SMCHD1: variants seen among roughly 807,000 people sequenced by gnomAD.
The protein encoded by SMCHD1 is structural maintenance of chromosomes flexible hinge domain-containing protein 1.
In SMCHD1, 78 loss-of-function variants were observed where a neutral mutation model predicts 254.7. That is an observed-to-expected ratio of 0.31 (90% CI 0.26 to 0.37). The LOEUF is 0.37. SMCHD1 is among the 10% of genes least tolerant of loss of function. The pLI is 1.00. For synonymous variants in SMCHD1, 766 were observed against 794.9 expected (o/e 0.96, Z 0.61); for missense variants, 1,840 against 2,408.1 (o/e 0.76, Z 4.94).
At chr18:2,701,047 G>A in intron 12 of SMCHD1, 129 bp downstream of exon 12, 1 of 659,728 alleles carries the variant, frequency 1.5e-6, no homozygotes, top group African/African-American at 1.8e-5. Context: ...ATTTTTTTAT[G>A]AGCAGTCAAG....
chr18:2,789,514 A>T (rs1241513677), intron 45 of SMCHD1, among the ~76,000 whole-genome samples: 2 of 4,146 alleles, frequency 4.8e-4, no homozygotes, highest in Non-Finnish European at 6.8e-3. Context: ...GAGAGAGTAG[A>T]CCTGTTTTTT....
intron 37 of SMCHD1, among the ~76,000 whole-genome samples, chr18:2,766,219 T>G (rs2075866108): frequency 6.6e-6 from 1 of 152,298 alleles, no homozygotes; most frequent in South Asian, 2.1e-4. Context: ...GGTCTCGATC[T>G]CCTGACCTTG....
At chr18:2,763,007 C>A (rs1157186659) in intron 36 of SMCHD1, among the ~76,000 whole-genome samples, 1 of 152,180 alleles carries the variant, frequency 6.6e-6, no homozygotes. Flanking sequence ...AGCAACACAG[C>A]TGTCAAAAAT....
chr18:2,728,742 GT>G lies in SMCHD1; in HGVS notation c.2913+158del, dbSNP rs67636305. 0.61 allele frequency: 323,742 copies of G among 531,068 alleles called. 74,955 individuals carry two copies. Among genetic ancestry groups the G allele is most frequent in the African/African-American group, 0.76 (37,266 of 49,304 alleles). The allele number at this position is 531,068 out of a possible 1,614,324, so 32.9% of individuals were successfully genotyped here. A position where few individuals can be genotyped will look rare whatever the true frequency, so the allele number is the denominator to read the frequency against. ...GATTTGTGGGATCTTATTGCCAATAGTTTTTTTTTTTTAATCGTACCTAAAC... is the reference window on the plus strand; with the variant it reads ...GATTTGTGGGATCTTATTGCCAATAGTTTTTTTTTTTAATCGTACCTAAAC... On this transcript the variant is annotated intron_variant, in intron 23 of 47. Coordinates refer to ENST00000320876, the MANE Select transcript of SMCHD1 (RefSeq NM_015295.3).
At chr18:2,758,359 A>G (rs1303798130) in intron 34 of SMCHD1, among the ~76,000 whole-genome samples, 1 of 152,080 alleles carries the variant, frequency 6.6e-6, no homozygotes, top group African/African-American at 2.4e-5. Flanking sequence ...ATCTAGTAAC[A>G]ATTTGTATTT....
Position 2,767,584 on chromosome 18 carries a change from C to CTTTTTTTTTT in SMCHD1, c.4720-2096_4720-2087dup, listed in dbSNP as rs397858216. Among the ~76,000 whole-genome samples, 13 of 89,250 alleles carry CTTTTTTTTTT rather than the reference C, an allele frequency of 1.5e-4. 1 individual carries two copies. The highest frequency in any genetic ancestry group is 2.6e-4 in the Non-Finnish European group (13 of 49,752). 58.6% of individuals were successfully genotyped at this position (89,250 alleles called of 152,430 possible). A position where few individuals can be genotyped will look rare whatever the true frequency, so the allele number is the denominator to read the frequency against. ...TGGGCTATATATCACAACCTATTTCCTTTTTTTTTTTTTTTTTTTTTTTGA... is the reference window on the plus strand; with the variant it reads ...TGGGCTATATATCACAACCTATTTCCTTTTTTTTTTTTTTTTTTTTTTTTTTTTTTTTTGA... On this transcript the variant is annotated intron_variant, in intron 37 of 47. Transcript: ENST00000320876.
intron 41 of SMCHD1, 125 bp downstream of exon 41, chr18:2,772,497 C>T (rs200841958): frequency 2.7e-6 from 2 of 751,296 alleles, no homozygotes; most frequent in Non-Finnish European, 3.9e-6. Context: ...CAATAAAGTA[C>T]CTGCTCTCAT....
intron 26 of SMCHD1, among the ~76,000 whole-genome samples, chr18:2,738,849 G>A (rs78158967): frequency 6.6e-6 from 1 of 152,180 alleles, no homozygotes; most frequent in East Asian, 1.9e-4. Flanking sequence ...ATCAGTCAGT[G>A]TTGTTCAGAA....
rs550842190 is a variant in SMCHD1 at position 2,688,278 on chromosome 18, G to A, written c.639-116G>A. ...TTGACACTGATTATTTCACCTTTCA[G>A]TTAGGGGTGTTTGCAGGCGTGATCA... On this transcript the variant is annotated intron_variant, in intron 5 of 47. Coordinates refer to ENST00000320876, the MANE Select transcript of SMCHD1 (RefSeq NM_015295.3). The A allele has an allele frequency of 9.9e-4, 685 of 693,334 alleles. 3 individuals are homozygous for A. The highest frequency in any genetic ancestry group is 1.9e-3 in the South Asian group (112 of 57,990). The allele number at this position is 693,334 out of a possible 1,614,324, so 42.9% of individuals were successfully genotyped here.
intron 37 of SMCHD1, among the ~76,000 whole-genome samples, chr18:2,766,289 G>C (rs553757579): frequency 1.3e-5 from 2 of 152,176 alleles, no homozygotes; most frequent in East Asian, 1.9e-4. Context: ...CGCCGTGCCC[G>C]GCCTGTCTCC....
chr18:2,710,248 A>G (rs796500010), intron 17 of SMCHD1, among the ~76,000 whole-genome samples: 14 of 152,304 alleles, frequency 9.2e-5, no homozygotes, highest in African/African-American at 2.4e-4. Flanking sequence ...CCCTAGGTCT[A>G]TATGTCTGTT....
At chr18:2,741,478 CTCTAT>C (rs1276338610) in intron 28 of SMCHD1, among the ~76,000 whole-genome samples, 1 of 152,132 alleles carries the variant, frequency 6.6e-6, no homozygotes, top group Non-Finnish European at 1.5e-5. Flanking sequence ...CTTTGAGAGT[CTCTAT>C]TACACTTTTT....
intron 17 of SMCHD1, among the ~76,000 whole-genome samples, chr18:2,712,016 T>C (rs2074688394): frequency 6.6e-6 from 1 of 152,166 alleles, no homozygotes; most frequent in Non-Finnish European, 1.5e-5. Flanking sequence ...GCCTGAGGCT[T>C]TCACCAGATG....
rs386386863 is a variant in SMCHD1 at position 2,803,217 on chromosome 18, T to TAA, written c.*667_*668dup. On this transcript the variant is annotated 3_prime_UTR_variant, in exon 48 of 48. Coordinates refer to ENST00000320876, the MANE Select transcript of SMCHD1 (RefSeq NM_015295.3). ...GTGTGTGTATATATATATATATATATAAATATATATATATAAAATATTCAG... is the reference window on the plus strand; with the variant it reads ...GTGTGTGTATATATATATATATATATAAAAATATATATATATAAAATATTCAG... 288 of 147,076 alleles carry TAA rather than the reference T, an allele frequency of 2.0e-3. 2 individuals are homozygous for TAA. Among genetic ancestry groups the TAA allele is most frequent in the Admixed American group, 5.4e-3 (79 of 14,624 alleles). The allele number at this position is 147,076 out of a possible 1,614,324, so 9.1% of individuals were successfully genotyped here.
In SMCHD1 at chr18:2,743,253, G is replaced by A. The variant is rs369997384; in HGVS notation, c.3634-508G>A. On this transcript the variant is annotated intron_variant, in intron 28 of 47. Transcript: ENST00000320876. Reference sequence around the variant, plus strand: ...ACAAATCAAAGCTCCTGACCTTGTGGAAATCATCTTGTCATGGAGAGAACA... The same window carrying A: ...ACAAATCAAAGCTCCTGACCTTGTGAAAATCATCTTGTCATGGAGAGAACA... 8.6e-4 allele frequency among the ~76,000 whole-genome samples: 131 copies of A among 152,248 alleles called. 1 individual carries two copies. In the South Asian group the frequency reaches 0.013, roughly 15 times the overall value.
rs377276768 is a variant in SMCHD1, at chr18:2,707,629, T to G, written c.2130T>G (p.Pro710=). ...AATTATTGCCTAATGAGGTTAGGCC[T>G]GCTGGAACCCCTATTGGTATGTTTG... ...GDELLPNEVR[P]AGTPIGALRI... Residue 710 remains proline, a synonymous_variant, in exon 16 of 48, where the codon CCT becomes CCG. Coordinates refer to ENST00000320876, the MANE Select transcript of SMCHD1 (RefSeq NM_015295.3). 3.1e-6 allele frequency: 5 copies of G among 1,600,196 alleles called. No individual in the cohort carries two copies. Among genetic ancestry groups the G allele is most frequent in the Non-Finnish European group, 4.3e-6 (5 of 1,170,524 alleles).
intron 22 of SMCHD1, 126 bp from the exon 23 acceptor site, chr18:2,728,331 T>C (rs2075065140): frequency 1.1e-6 from 1 of 925,336 alleles, no homozygotes; most frequent in Non-Finnish European, 1.6e-6. Flanking sequence ...ACATTGCCTA[T>C]ATTTTTCTTT....
intron 19 of SMCHD1, among the ~76,000 whole-genome samples, chr18:2,720,814 A>G (rs1171124230): frequency 1.3e-5 from 2 of 152,134 alleles, no homozygotes; most frequent in East Asian, 3.8e-4. Context: ...ACAGGGTCTC[A>G]CTATGTTACC....
At chr18:2,693,399 T>C (rs2074221357) in intron 7 of SMCHD1, among the ~76,000 whole-genome samples, 1 of 152,236 alleles carries the variant, frequency 6.6e-6, no homozygotes, top group Admixed American at 6.5e-5. Flanking sequence ...GGCTATATGG[T>C]ATAGGGTACT....
Sources: gnomAD v4.1 joint callset for allele counts (sites outside exome capture counted in the v4.1 genomes callset) on GRCh38, gnomAD v4.1.1 for gene constraint, MANE v1.5 for transcripts, NCBI Gene and HGNC (gene_info 2026-07-23, HGNC 2026-07-21) for gene names.